The following DCBLD1 variants were observed in gnomAD, a reference collection of about 807,000 sequenced individuals.
DCBLD1 encodes the protein discoidin, CUB and LCCL domain containing 1.
DCBLD1 carries 57 observed loss-of-function variants against 71.5 expected under a neutral mutation model. That is an observed-to-expected ratio of 0.80 (90% CI 0.64 to 0.99). The LOEUF (loss-of-function observed/expected upper bound fraction) is 0.99, where lower values mean the gene tolerates loss of function less well. Among genes scored for constraint, DCBLD1 ranks in the 50% least tolerant of loss-of-function variants. DCBLD1 has a pLI of 0.00. For synonymous variants in DCBLD1, 380 were observed against 363.8 expected, an observed-to-expected ratio of 1.04 and a Z score of -0.51; for missense variants, 891 against 923.5, an observed-to-expected ratio of 0.96 and a Z score of 0.46.
At chr6:117,497,224 G>C (rs1777502267) in intron 1 of DCBLD1, among the ~76,000 whole-genome samples, 1 of 152,124 alleles carries the variant, frequency 6.6e-6, no homozygotes, top group East Asian at 1.9e-4. Flanking sequence ...TATTTGCACT[G>C]TTCAATTTAC....
At chr6:117,486,577 A>G (rs1408003314) in intron 1 of DCBLD1, among the ~76,000 whole-genome samples, 2 of 152,188 alleles carry the variant, frequency 1.3e-5, no homozygotes, top group African/African-American at 4.8e-5. Flanking sequence ...CCAAAATGAC[A>G]AGCACTGTTC....
chr6:117,545,501 C>T lies in DCBLD1; in HGVS notation c.1519C>T (p.Pro507Ser). The T allele has an allele frequency of 6.2e-7, 1 of 1,614,030 alleles. No homozygotes were observed. The highest frequency in any genetic ancestry group is 1.1e-5 in the South Asian group (1 of 91,064). ...AGACTGTTGGAAGCAGATTAAATATCCCTTTGCCAGACATCAGTCAGCTGA... is the reference window on the plus strand; with the variant it reads ...AGACTGTTGGAAGCAGATTAAATATTCCTTTGCCAGACATCAGTCAGCTGA... ...KTDCWKQIKY[P>S]FARHQSAEFT... is the part of the protein sequence containing the mutation. The change falls in exon 14 of 15, where the codon CCC becomes TCC. Residue 507 changes from proline (P) to serine (S), a missense_variant. Physicochemically the swap from Pro to Ser is moderately conservative, Grantham distance 74. Coordinates refer to ENST00000338728, the MANE Select transcript of DCBLD1 (RefSeq NM_001366458.2).
intron 11 of DCBLD1, among the ~76,000 whole-genome samples, chr6:117,542,691 G>T (rs971263917): frequency 6.6e-6 from 1 of 152,094 alleles, no homozygotes; most frequent in Non-Finnish European, 1.5e-5. Context: ...TTATGGTACA[G>T]GTCCAAACCC....
chr6:117,561,977 T>C (rs924971486), intron 14 of DCBLD1: 30 of 207,132 alleles, frequency 1.4e-4, no homozygotes, highest in African/African-American at 5.9e-4. Flanking sequence ...CTAAAAGCCT[T>C]GTAGGCTTTC....
At chr6:117,556,085 G>T (rs888206040) in intron 14 of DCBLD1, among the ~76,000 whole-genome samples, 7 of 152,294 alleles carry the variant, frequency 4.6e-5, no homozygotes, top group African/African-American at 7.2e-5. Flanking sequence ...TCTGGAATCT[G>T]CTGCCCCCTG....
chr6:117,544,981 T>C (rs867071845), intron 13 of DCBLD1, among the ~76,000 whole-genome samples: 1 of 146,336 alleles, frequency 6.8e-6, no homozygotes, highest in South Asian at 2.2e-4. Context: ...GGTGTGCAGG[T>C]TTCAGATAAT....
At chr6:117,558,418 C>A (rs564729875) in intron 14 of DCBLD1, among the ~76,000 whole-genome samples, 35 of 152,146 alleles carry the variant, frequency 2.3e-4, no homozygotes, top group African/African-American at 8.0e-4. Flanking sequence ...GTTCCCCTCT[C>A]CATAAGCTGG....
rs1003014759 is a variant in DCBLD1, at chr6:117,512,843, C to G, written c.326-6973C>G. ...TTCAGGAGTTAGGTTTTTATTTGAT[C>G]TCTCAGTGGTTTTTCCCACTGACAG... is the stretch of plus-strand genomic sequence containing the variant. On this transcript the variant is annotated intron_variant, in intron 2 of 14. Transcript: ENST00000338728. Among the ~76,000 whole-genome samples, 5 of 151,642 alleles carry G rather than the reference C, an allele frequency of 3.3e-5. No individual in the cohort carries two copies. In the South Asian group the frequency reaches 6.3e-4, roughly 19 times the overall value.
At chr6:117,507,415 C>T (rs531143025) in intron 2 of DCBLD1, among the ~76,000 whole-genome samples, 23 of 152,216 alleles carry the variant, frequency 1.5e-4, no homozygotes, top group African/African-American at 4.1e-4. Context: ...ATTATAATTA[C>T]GGCTGATCTT....
chr6:117,525,113 A>C (rs1208206721), intron 4 of DCBLD1, among the ~76,000 whole-genome samples: 1 of 152,192 alleles, frequency 6.6e-6, no homozygotes, highest in African/African-American at 2.4e-5. Flanking sequence ...AGTAAAGTGC[A>C]TTAGGGAAGC....
At chr6:117,489,503 C>G (rs540292448) in intron 1 of DCBLD1, among the ~76,000 whole-genome samples, 1 of 152,268 alleles carries the variant, frequency 6.6e-6, no homozygotes, top group African/African-American at 2.4e-5. Flanking sequence ...AAGGATAATA[C>G]TGAAATGAGG....
chr6:117,558,655 C>CAT (rs1779527800), intron 14 of DCBLD1, among the ~76,000 whole-genome samples: 1 of 152,188 alleles, frequency 6.6e-6, no homozygotes, highest in Admixed American at 6.5e-5. Context: ...CTCCAAGATT[C>CAT]ATTTCCCAAT....
chr6:117,513,649 A>T (rs1298434705), intron 2 of DCBLD1, among the ~76,000 whole-genome samples: 1 of 152,218 alleles, frequency 6.6e-6, no homozygotes, highest in African/African-American at 2.4e-5. Context: ...TGGCAAGTCC[A>T]AGTGCTATAA....
intron 9 of DCBLD1, chr6:117,540,345 C>CTGAA (rs1205769491): frequency 1.3e-5 from 3 of 230,890 alleles, no homozygotes; most frequent in Non-Finnish European, 2.6e-5. Context: ...AGTGAGAGAG[C>CTGAA]TGAAGCCTTG....
At chr6:117,555,023 G>T (rs1279135080) in intron 14 of DCBLD1, among the ~76,000 whole-genome samples, 1 of 152,122 alleles carries the variant, frequency 6.6e-6, no homozygotes, top group Admixed American at 6.5e-5. Flanking sequence ...CTAGGCATTA[G>T]AATTAGCTGT....
At chr6:117,561,152 A>G in intron 14 of DCBLD1, 1 of 224,564 alleles carries the variant, frequency 4.5e-6, no homozygotes, top group Non-Finnish European at 8.9e-6. Flanking sequence ...GTTTTAAACT[A>G]CCTGGAAACT....
intron 1 of DCBLD1, among the ~76,000 whole-genome samples, chr6:117,489,092 A>C (rs540506280): frequency 1.3e-5 from 2 of 152,272 alleles, no homozygotes; most frequent in East Asian, 3.9e-4. Flanking sequence ...TGAGGCTGGG[A>C]AATTTATAAA....
intron 1 of DCBLD1, among the ~76,000 whole-genome samples, chr6:117,490,093 GCACACA>G (rs34912807): frequency 8.9e-4 from 131 of 147,276 alleles, no homozygotes; most frequent in South Asian, 1.3e-3. Context: ...TTATGTAAAT[GCACACA>G]CACACACACA....
In DCBLD1 at chr6:117,519,290, C is replaced by T. The variant is rs368130538; in HGVS notation, c.326-526C>T. 4.6e-5 allele frequency among the ~76,000 whole-genome samples: 7 copies of T among 152,210 alleles called. No homozygotes were observed. In the East Asian group the frequency reaches 5.8e-4, roughly 13 times the overall value. ...TTAGAAATTATTCTGCTTTTATGTA[C>T]ATTTTATAAATCAAAATGAATTTTG... On this transcript the variant is annotated intron_variant, in intron 2 of 14. Transcript: ENST00000338728.
Sources: allele counts gnomAD v4.1 joint callset (sites outside exome capture counted in the v4.1 genomes callset), GRCh38; gene constraint gnomAD v4.1.1; transcripts MANE v1.5; gene names NCBI Gene and HGNC (gene_info 2026-07-23, HGNC 2026-07-21).